Variants in NRXN3 observed in about 807,000 individuals in gnomAD.
The protein encoded by NRXN3 is neurexin III.
Under a neutral mutation model 137.6 loss-of-function variants are expected in NRXN3, and 32 were observed. The observed-to-expected ratio is 0.23, with a 90% confidence interval of 0.18 to 0.31. The LOEUF (loss-of-function observed/expected upper bound fraction) is 0.31. Among genes scored for constraint, NRXN3 ranks in the 10% least tolerant of loss-of-function variants. The pLI is 1.00. For synonymous variants in NRXN3, 798 were observed against 784.5 expected (o/e 1.02, Z -0.29); for missense variants, 1,574 against 2,062.5 (o/e 0.76, Z 4.59).
At chr14:78,382,342 A>T (rs1187133065) in intron 4 of NRXN3, among the ~76,000 whole-genome samples, 4 of 152,196 alleles carry the variant, frequency 2.6e-5, no homozygotes, top group Non-Finnish European at 5.9e-5. Context: ...GAGATACTCT[A>T]TAATAGCTGT....
At chr14:78,999,033 G>A (rs1290855255) in intron 15 of NRXN3, among the ~76,000 whole-genome samples, 1 of 152,008 alleles carries the variant, frequency 6.6e-6, no homozygotes, top group Non-Finnish European at 1.5e-5. Context: ...TTTTCTTGTG[G>A]ATCTTTGACC....
chr14:78,190,237 C>A (rs977343529), intron 1 of NRXN3, among the ~76,000 whole-genome samples: 6 of 152,246 alleles, frequency 3.9e-5, no homozygotes, highest in Admixed American at 3.3e-4. Flanking sequence ...CCTCAGTTCC[C>A]TTTCAGGAAC....
In NRXN3 at chr14:78,367,350, G is replaced by A. The variant is rs372760680; in HGVS notation, c.757+69490G>A. On this transcript the variant is annotated intron_variant, in intron 4 of 20. Transcript: ENST00000335750. ...ACCAAGAAAACCTGCATTGTCCCTT[G>A]GAAGTTACTAATTTCCATGAGCTAA... 8.2e-4 allele frequency among the ~76,000 whole-genome samples: 125 copies of A among 151,836 alleles called. 4 individuals carry two copies. In the South Asian group the frequency reaches 0.026, roughly 31 times the overall value.
chr14:79,221,650 T>G (rs908084579), intron 15 of NRXN3, among the ~76,000 whole-genome samples: 3 of 152,230 alleles, frequency 2.0e-5, no homozygotes, highest in Non-Finnish European at 4.4e-5. Context: ...TTCCGGATAT[T>G]AGCCCTTTAT....
At chr14:79,384,882 G>A (rs1479295024) in intron 15 of NRXN3, among the ~76,000 whole-genome samples, 1 of 152,114 alleles carries the variant, frequency 6.6e-6, no homozygotes, top group Non-Finnish European at 1.5e-5. Flanking sequence ...CCAGCTATTG[G>A]AACAATCGCT....
intron 15 of NRXN3, among the ~76,000 whole-genome samples, chr14:79,329,843 G>T (rs903139995): frequency 1.3e-4 from 18 of 142,938 alleles, no homozygotes; most frequent in African/African-American, 4.6e-4. Context: ...GATCAAAAGA[G>T]TTTTTTTTTT....
At chr14:78,403,432 T>C (rs1417765747) in intron 4 of NRXN3, among the ~76,000 whole-genome samples, 3 of 152,196 alleles carry the variant, frequency 2.0e-5, no homozygotes, top group Non-Finnish European at 4.4e-5. Flanking sequence ...CTTAGGTCCA[T>C]GTGACTTCCT....
chr14:78,960,448 CTAGTTTA>C (rs2152977299), intron 11 of NRXN3, among the ~76,000 whole-genome samples: 1 of 152,188 alleles, frequency 6.6e-6, no homozygotes, highest in Admixed American at 6.5e-5. Flanking sequence ...CCAATTTCAG[CTAGTTTA>C]TAGAAATGAT....
intron 19 of NRXN3, among the ~76,000 whole-genome samples, chr14:79,740,153 T>C (rs2098956030): frequency 6.6e-6 from 1 of 152,108 alleles, no homozygotes; most frequent in African/African-American, 2.4e-5. Flanking sequence ...CACTCCTCCC[T>C]CCCCCTTTAT....
chr14:78,461,297 C>T (rs1031737379), intron 4 of NRXN3, among the ~76,000 whole-genome samples: 4 of 152,000 alleles, frequency 2.6e-5, no homozygotes, highest in African/African-American at 7.2e-5. Flanking sequence ...TTTGTAAATA[C>T]AATCAAGTAA....
chr14:78,738,732 T>G (rs949850214), intron 8 of NRXN3, among the ~76,000 whole-genome samples: 2 of 152,220 alleles, frequency 1.3e-5, no homozygotes, highest in African/African-American at 4.8e-5. Context: ...TTGTTTTATC[T>G]ATTTTATGAT....
chr14:79,305,956 T>A (rs11852042), intron 15 of NRXN3, among the ~76,000 whole-genome samples: 1 of 152,106 alleles, frequency 6.6e-6, no homozygotes, highest in African/African-American at 2.4e-5. Context: ...TCTAAATCTA[T>A]GGAAACTTCA....
intron 6 of NRXN3, among the ~76,000 whole-genome samples, chr14:78,670,110 G>A (rs1164471773): frequency 6.6e-6 from 1 of 151,906 alleles, no homozygotes; most frequent in Non-Finnish European, 1.5e-5. Flanking sequence ...AACATGCGGT[G>A]TCTGGTTTTC....
At chr14:79,457,887 C>A (rs2096277365) in intron 15 of NRXN3, among the ~76,000 whole-genome samples, 1 of 152,132 alleles carries the variant, frequency 6.6e-6, no homozygotes, top group African/African-American at 2.4e-5. Flanking sequence ...TTCCAAACTT[C>A]TCCTTTCCTC....
chr14:79,702,712 C>G (rs2098759473), intron 19 of NRXN3, among the ~76,000 whole-genome samples: 2 of 151,924 alleles, frequency 1.3e-5, no homozygotes, highest in African/African-American at 4.8e-5. Context: ...CCCTGTGTAC[C>G]TTACTACCAG....
intron 15 of NRXN3, among the ~76,000 whole-genome samples, chr14:79,063,785 G>A (rs574625061): frequency 7.2e-5 from 11 of 152,112 alleles, no homozygotes; most frequent in Admixed American, 3.3e-4. Context: ...AAGATAGAGC[G>A]AAAAACTCCT....
intron 15 of NRXN3, among the ~76,000 whole-genome samples, chr14:79,251,919 A>G (rs2075986023): frequency 6.6e-6 from 1 of 151,762 alleles, no homozygotes; most frequent in Non-Finnish European, 1.5e-5. Context: ...CCTGAGCTCA[A>G]GCAATTCTCT....
At chr14:78,841,176 G>A (rs998502078) in intron 10 of NRXN3, among the ~76,000 whole-genome samples, 2 of 152,208 alleles carry the variant, frequency 1.3e-5, no homozygotes, top group East Asian at 1.9e-4. Context: ...GAGCTGAGAA[G>A]AACAGACTAG....
At chr14:79,494,294 C>G (rs1341280320) in intron 16 of NRXN3, among the ~76,000 whole-genome samples, 1 of 152,174 alleles carries the variant, frequency 6.6e-6, no homozygotes, top group Non-Finnish European at 1.5e-5. Context: ...TCATTAGCCT[C>G]CTGTTTCTTC....
Sources: allele counts gnomAD v4.1 joint callset (sites outside exome capture counted in the v4.1 genomes callset), GRCh38; gene constraint gnomAD v4.1.1; transcripts MANE v1.5; gene names NCBI Gene and HGNC (gene_info 2026-07-23, HGNC 2026-07-21).